Variants in UBR1 observed in about 807,000 individuals in gnomAD.
The protein encoded by UBR1 is ubiquitin protein ligase E3 component n-recognin 1.
A neutral mutation model predicts 242.1 loss-of-function variants in UBR1; 102 were observed. The ratio of observed to expected loss-of-function variants is 0.42; its 90% confidence interval spans 0.36 to 0.50. The LOEUF (loss-of-function observed/expected upper bound fraction) is 0.50. Among genes scored for constraint, UBR1 ranks in the 20% least tolerant of loss-of-function variants. The pLI is 0.01. For missense variants in UBR1, 1,772 were observed against 2,101.8 expected (o/e 0.84, Z 3.07); for synonymous variants, 675 against 684.8 (o/e 0.99, Z 0.22).
At chr15:43,059,846 C>G (rs1325738107) in intron 7 of UBR1, 21 bp from the exon 8 acceptor site, 23 of 1,612,848 alleles carry the variant, frequency 1.4e-5, no homozygotes, top group Non-Finnish European at 1.9e-5. Context: ...AGGGAACGAA[C>G]CAAAAAAATA....
At chr15:42,961,074 A>G (rs1656473591) in intron 42 of UBR1, among the ~76,000 whole-genome samples, 1 of 145,462 alleles carries the variant, frequency 6.9e-6, no homozygotes, top group Non-Finnish European at 1.5e-5. Context: ...CATTCTCTTC[A>G]ATTCTTTCTG....
chr15:43,006,431 C>T (rs1386233464), intron 30 of UBR1, among the ~76,000 whole-genome samples: 1 of 152,134 alleles, frequency 6.6e-6, no homozygotes, highest in Non-Finnish European at 1.5e-5. Flanking sequence ...CTCATGCAAC[C>T]ATGCCTGGCT....
intron 29 of UBR1, among the ~76,000 whole-genome samples, chr15:43,015,127 C>T (rs1225134669): frequency 1.3e-5 from 2 of 152,340 alleles, no homozygotes; most frequent in South Asian, 4.1e-4. Context: ...CGGCCACCAC[C>T]CCGTCTGGGA....
At chr15:43,051,297 T>C (rs1265952807) in intron 12 of UBR1, among the ~76,000 whole-genome samples, 1 of 152,180 alleles carries the variant, frequency 6.6e-6, no homozygotes, top group Non-Finnish European at 1.5e-5. Flanking sequence ...TAGAGGCCAT[T>C]ATCCTTAGCA....
chr15:42,954,445 G>A (rs1322552077), intron 44 of UBR1, among the ~76,000 whole-genome samples: 1 of 152,196 alleles, frequency 6.6e-6, no homozygotes, highest in African/African-American at 2.4e-5. Context: ...ACCCTATTGG[G>A]CCAGTTAACT....
intron 33 of UBR1, among the ~76,000 whole-genome samples, chr15:42,997,128 G>A (rs949016869): frequency 1.5e-4 from 23 of 152,250 alleles, no homozygotes; most frequent in African/African-American, 5.5e-4. Flanking sequence ...CGTGAGCTCC[G>A]CCTCCTGCCA....
chr15:43,034,646 G>T (rs1373501187), intron 19 of UBR1, among the ~76,000 whole-genome samples: 2 of 151,904 alleles, frequency 1.3e-5, no homozygotes, highest in Admixed American at 6.6e-5. Context: ...AGAACTTTGG[G>T]AGGCCAAGGC....
chr15:43,021,118 TA>T, intron 27 of UBR1, 156 bp downstream of exon 27: 1 of 605,140 alleles, frequency 1.7e-6, no homozygotes, highest in South Asian at 2.0e-5. Context: ...AAAACTACAA[TA>T]AAATATAGGA....
Position 42,977,911 on chromosome 15 carries a change from C to T in UBR1, c.4187G>A (p.Cys1396Tyr), listed in dbSNP as rs2032315156. The stretch of plus-strand genomic sequence containing the variant: ...ATGAAACAGATCTATAGACAGAAGG[C>T]ATGGTGTATCTTCTGATTTTATGTT... ...LPNIKSEDTPCLLSIDLFHVL... is the reference protein window; with the variant it reads ...LPNIKSEDTPYLLSIDLFHVL... Residue 1396 changes from cysteine (C) to tyrosine (Y), a missense_variant, in exon 38 of 47, where the codon TGC becomes TAC. Cys to Tyr is a radical substitution (Grantham distance 194, BLOSUM62 -2). Coordinates refer to ENST00000290650, the MANE Select transcript of UBR1 (RefSeq NM_174916.3). 6.2e-7 allele frequency: 1 copy of T among 1,613,090 alleles called. No homozygotes were observed. Among genetic ancestry groups the T allele is most frequent in the Admixed American group, 1.7e-5 (1 of 59,982 alleles).
chr15:43,044,219 C>T (rs2033455567), intron 14 of UBR1, among the ~76,000 whole-genome samples: 1 of 152,180 alleles, frequency 6.6e-6, no homozygotes, highest in Non-Finnish European at 1.5e-5. Flanking sequence ...ATGGAGTCCG[C>T]AGTGTAATAA....
chr15:43,104,507 T>C (rs1226898813), intron 1 of UBR1, among the ~76,000 whole-genome samples: 1 of 152,086 alleles, frequency 6.6e-6, no homozygotes, highest in Non-Finnish European at 1.5e-5. Context: ...GAAGTGAATT[T>C]GAACTGCTAT....
chr15:42,959,248 G>C (rs1464035891), intron 43 of UBR1, among the ~76,000 whole-genome samples: 3 of 151,666 alleles, frequency 2.0e-5, no homozygotes, highest in Non-Finnish European at 4.4e-5. Context: ...TTTAGAGACA[G>C]TATTCACTCT....
At chr15:42,996,979 C>G (rs28374998) in intron 33 of UBR1, among the ~76,000 whole-genome samples, 36,691 of 152,060 alleles carry the variant, frequency 0.24, 5,306 homozygotes, top group African/African-American at 0.4. Flanking sequence ...ACCAGGGGTC[C>G]TCAACCCCAG....
At chr15:42,961,572 G>A (rs753115940) in intron 42 of UBR1, among the ~76,000 whole-genome samples, 21 of 151,502 alleles carry the variant, frequency 1.4e-4, no homozygotes, top group Non-Finnish European at 2.4e-4. Flanking sequence ...ACAGGCATGC[G>A]CCACCACGCC....
At chr15:43,041,385 T>C (rs1335614728) in intron 15 of UBR1, among the ~76,000 whole-genome samples, 4 of 151,980 alleles carry the variant, frequency 2.6e-5, no homozygotes, top group Non-Finnish European at 4.4e-5. Flanking sequence ...TAGGTGGGAA[T>C]TGAATAATGA....
chr15:43,046,702 G>A (rs535457587), intron 14 of UBR1, among the ~76,000 whole-genome samples: 1 of 152,128 alleles, frequency 6.6e-6, no homozygotes, highest in Non-Finnish European at 1.5e-5. Context: ...CATTCTTAAA[G>A]GGAATCTAGG....
At chr15:43,047,686 C>T (rs574499453) in intron 13 of UBR1, among the ~76,000 whole-genome samples, 1 of 152,286 alleles carries the variant, frequency 6.6e-6, no homozygotes, top group East Asian at 1.9e-4. Context: ...AAGATGAAAA[C>T]AAGCACCTTA....
Position 43,030,189 on chromosome 15 carries a change from A to G in UBR1, c.2255-121T>C, listed in dbSNP as rs916626609. 9 of 1,137,866 alleles carry G rather than the reference A, an allele frequency of 7.9e-6. No homozygotes were observed. The South Asian group carries it at 1.3e-4, about 16-fold the overall frequency. The allele number at this position is 1,137,866 out of a possible 1,614,324, so 70.5% of individuals were successfully genotyped here. ...TAAATTAAATCTGTGAGAGAGGGGCAAAAGTTATTTGAATGTGTTCCCAAA... is the reference window on the plus strand; with the variant it reads ...TAAATTAAATCTGTGAGAGAGGGGCGAAAGTTATTTGAATGTGTTCCCAAA... On this transcript the variant is annotated intron_variant, in intron 20 of 46. Transcript: ENST00000290650.
In UBR1 at chr15:43,077,627, A is replaced by G. The variant is rs369108030; in HGVS notation, c.418-2538T>C. Among the ~76,000 whole-genome samples, 1,424 of 150,692 alleles carry G rather than the reference A, an allele frequency of 9.4e-3. 8 individuals are homozygous for G. The highest frequency in any genetic ancestry group is 0.015 in the Non-Finnish European group (993 of 67,726). On this transcript the variant is annotated intron_variant, in intron 3 of 46. Transcript: ENST00000290650. ...CCTGCCAAATCCCCCTCTGGGAGAA[A>G]CACCCAAGAATGATCAATTAAAAAA... is the stretch of plus-strand genomic sequence containing the variant.
Sources: allele counts gnomAD v4.1 joint callset (sites outside exome capture counted in the v4.1 genomes callset), GRCh38; gene constraint gnomAD v4.1.1; transcripts MANE v1.5; gene names NCBI Gene and HGNC (gene_info 2026-07-23, HGNC 2026-07-21).